The following USH2A variants were observed in gnomAD, a reference collection of about 807,000 sequenced individuals.
USH2A encodes Usher syndrome 2A (autosomal recessive, mild).
A neutral mutation model predicts 538.9 loss-of-function variants in USH2A; 443 were observed. The ratio of observed to expected loss-of-function variants is 0.82; its 90% CI spans 0.76 to 0.89. The LOEUF is 0.89. USH2A is among the 40% of genes least tolerant of loss of function. The pLI is 0.00. For missense variants in USH2A, 6,633 were observed against 6,324.8 expected, an observed-to-expected ratio of 1.05 and a Z score of -1.65; for synonymous variants, 2,413 against 2,273.5, an observed-to-expected ratio of 1.06 and a Z score of -1.75.
At chr1:216,391,833 G>A (rs1414626400) in intron 3 of USH2A, among the ~76,000 whole-genome samples, 1 of 152,124 alleles carries the variant, frequency 6.6e-6, no homozygotes, top group African/African-American at 2.4e-5. Context: ...TTTGTTCCAG[G>A]TCTTAATCCT....
Position 216,246,575 on chromosome 1 carries a change from T to C in USH2A, c.2809+10A>G. On this transcript the variant is annotated intron_variant, in intron 13 of 71. Coordinates refer to ENST00000307340, the MANE Select transcript of USH2A (RefSeq NM_206933.4). ...TTGTGCACTGAAAATGTAATACATTTCTTTCTTACCTGGTTGACACTGATT... is the reference window on the plus strand; with the variant it reads ...TTGTGCACTGAAAATGTAATACATTCCTTTCTTACCTGGTTGACACTGATT... The C allele has an allele frequency of 6.2e-7, 1 of 1,614,030 alleles. No homozygotes were observed. Among genetic ancestry groups the C allele is most frequent in the Non-Finnish European group, 8.5e-7 (1 of 1,179,916 alleles).
In USH2A at chr1:215,674,456, A is replaced by T; in HGVS notation, c.13455T>A (p.Ile4485=). ...RSYELRRDGT[I]VYTGLETRYR... Reference sequence around the variant, plus strand: ...AGCGTGTTTCCAAGCCTGTATATACAATGGTTCCATCCCTCCTAAGTTCAT... The same window carrying T: ...AGCGTGTTTCCAAGCCTGTATATACTATGGTTCCATCCCTCCTAAGTTCAT... Residue 4485 remains isoleucine (I), a synonymous_variant, in exon 63 of 72, where the codon ATT becomes ATA. Transcript: ENST00000307340. The T allele has an allele frequency of 6.2e-7, 1 of 1,614,112 alleles. No individual in the cohort carries two copies. The highest frequency in any genetic ancestry group is 8.5e-7 in the Non-Finnish European group (1 of 1,180,024).
chr1:215,848,769 A>G (rs903977122), intron 44 of USH2A, among the ~76,000 whole-genome samples: 2 of 152,236 alleles, frequency 1.3e-5, no homozygotes, highest in African/African-American at 4.8e-5. Flanking sequence ...TACACTTGGA[A>G]GTCCAAAACA....
At chr1:215,691,428 C>A (rs1571961716) in intron 61 of USH2A, among the ~76,000 whole-genome samples, 1 of 152,136 alleles carries the variant, frequency 6.6e-6, no homozygotes, top group South Asian at 2.1e-4. Flanking sequence ...ACATACTAAA[C>A]AAGCTCGTGC....
chr1:216,321,073 G>C (rs542051220), intron 9 of USH2A, among the ~76,000 whole-genome samples: 19 of 152,082 alleles, frequency 1.2e-4, no homozygotes, highest in Admixed American at 9.2e-4. Flanking sequence ...TTCACTAAAA[G>C]TTTAAGCCAC....
chr1:216,072,137 T>C (rs148573960), intron 29 of USH2A, among the ~76,000 whole-genome samples: 1,579 of 152,314 alleles, frequency 0.01, 9 homozygotes, highest in Non-Finnish European at 0.015. Context: ...GAGACATAAG[T>C]GGCAATCATC....
chr1:215,807,614 G>A (rs563139333), intron 49 of USH2A, among the ~76,000 whole-genome samples: 12 of 151,988 alleles, frequency 7.9e-5, no homozygotes, highest in Non-Finnish European at 1.8e-4. Flanking sequence ...AAGTTTGGAA[G>A]CTCTTCATGA....
At chr1:215,702,884 T>C (rs1040731026) in intron 61 of USH2A, among the ~76,000 whole-genome samples, 4 of 151,952 alleles carry the variant, frequency 2.6e-5, no homozygotes, top group African/African-American at 4.8e-5. Flanking sequence ...CCTTTGGAGA[T>C]AAGGCATTCC....
In USH2A at chr1:216,190,285, G is replaced by A. The variant is rs2034689495; in HGVS notation, c.4334C>T (p.Thr1445Ile). 1.2e-6 allele frequency: 2 copies of A among 1,612,470 alleles called. No homozygotes were observed. Among genetic ancestry groups the A allele is most frequent in the Admixed American group, 1.7e-5 (1 of 59,820 alleles). The change falls in exon 20 of 72, where the codon ACT becomes ATT. Residue 1445 changes from threonine (T) to isoleucine (I), a missense_variant. Thr to Ile is a moderately conservative substitution (Grantham distance 89). Coordinates refer to ENST00000307340, the MANE Select transcript of USH2A (RefSeq NM_206933.4). ...CACACAACCAACTGAATTGCAGAGA[G>A]TAATAGTAAACTCATATATCCTATA... is the stretch of plus-strand genomic sequence containing the variant. ...KPYRIYEFTI[T>I]LCNSVGCVTS... is the part of the protein sequence containing the mutation.
At chr1:216,193,348 A>G (rs2034761746) in intron 19 of USH2A, among the ~76,000 whole-genome samples, 1 of 152,126 alleles carries the variant, frequency 6.6e-6, no homozygotes, top group South Asian at 2.1e-4. Flanking sequence ...ATTGCAAATG[A>G]GTGAACACGT....
At chr1:216,071,819 T>C (rs1347916002) in intron 29 of USH2A, among the ~76,000 whole-genome samples, 4 of 152,214 alleles carry the variant, frequency 2.6e-5, no homozygotes, top group Non-Finnish European at 4.4e-5. Flanking sequence ...ATATTGGAGC[T>C]TTCTCTTAGC....
chr1:215,803,321 T>C (rs1307992028), intron 49 of USH2A, among the ~76,000 whole-genome samples: 1 of 152,084 alleles, frequency 6.6e-6, no homozygotes, highest in Non-Finnish European at 1.5e-5. Context: ...GGTATTCAAT[T>C]AGGAAAAGAG....
chr1:216,223,376 A>G (rs1389467838), intron 14 of USH2A, among the ~76,000 whole-genome samples: 2 of 152,170 alleles, frequency 1.3e-5, no homozygotes, highest in African/African-American at 4.8e-5. Flanking sequence ...TTTGGCAGCC[A>G]TAGGAGATTG....
chr1:215,787,948 G>A (rs1661850209), intron 51 of USH2A, among the ~76,000 whole-genome samples: 1 of 152,020 alleles, frequency 6.6e-6, no homozygotes, highest in African/African-American at 2.4e-5. Flanking sequence ...GCAGGTTGAG[G>A]GAGGAGAATC....
chr1:216,148,164 T>C (rs887082350), intron 21 of USH2A, among the ~76,000 whole-genome samples: 5 of 151,932 alleles, frequency 3.3e-5, no homozygotes, highest in Admixed American at 3.3e-4. Flanking sequence ...CAAGGGCCTG[T>C]TTCCCTTGCC....
At chr1:216,208,945 C>T (rs1347051250) in intron 15 of USH2A, among the ~76,000 whole-genome samples, 1 of 152,170 alleles carries the variant, frequency 6.6e-6, no homozygotes, top group East Asian at 1.9e-4. Flanking sequence ...TGAGCAGCCT[C>T]TATCTGGCAT....
Position 215,799,012 on chromosome 1 carries a change from T to C in USH2A, c.9853A>G (p.Arg3285Gly), listed in dbSNP as rs1277072682. 1.2e-6 allele frequency: 2 copies of C among 1,613,968 alleles called. No homozygotes were observed. The change falls in exon 50 of 72, where the codon AGG becomes GGG. Residue 3285 changes from arginine (R) to glycine (G), a missense_variant. By Grantham distance (125) the Arg-to-Gly change is moderately radical. Transcript: ENST00000307340. ...TSGNQICCAG[R>G]LHDGHGQKCC... ...TTCTGGCCATGGCCATCATGAAGCC[T>C]CCCAGCACAGCAAATCTGGTTTCCT...
At chr1:216,062,062 T>C (rs1272996234) in intron 30 of USH2A, among the ~76,000 whole-genome samples, 1 of 152,142 alleles carries the variant, frequency 6.6e-6, no homozygotes, top group Admixed American at 6.5e-5. Context: ...CCAACTAAAC[T>C]ATGGAGTTGA....
intron 63 of USH2A, among the ~76,000 whole-genome samples, chr1:215,671,513 G>C (rs1441709739): frequency 6.6e-6 from 1 of 151,984 alleles, no homozygotes; most frequent in Non-Finnish European, 1.5e-5. Flanking sequence ...GGGTGACAGA[G>C]CAAGACTCTG....
Sources: allele counts gnomAD v4.1 joint callset (sites outside exome capture counted in the v4.1 genomes callset), GRCh38; gene constraint gnomAD v4.1.1; transcripts MANE v1.5; gene names NCBI Gene and HGNC (gene_info 2026-07-23, HGNC 2026-07-21).